Variants in FSHR observed in about 807,000 individuals in gnomAD.
The protein encoded by FSHR is follicle-stimulating hormone receptor.
FSHR carries 46 observed loss-of-function variants against 52.1 expected under a neutral mutation model. That is an observed-to-expected ratio of 0.88 (90% CI 0.70 to 1.13). The LOEUF (loss-of-function observed/expected upper bound fraction) is 1.13. Ranked by LOEUF, FSHR falls within the 50% of genes most tolerant of loss-of-function variation. FSHR has a pLI of 0.00. For synonymous variants in FSHR, 399 were observed against 309.6 expected (o/e 1.29, Z -3.03); for missense variants, 964 against 834.6 (o/e 1.16, Z -1.91).
At position 49,017,520 on chromosome 2, in the gene FSHR, C is replaced by A; in HGVS notation, c.343G>T (p.Ala115Ser). 6.2e-7 allele frequency: 1 copy of A among 1,613,444 alleles called. No homozygotes were observed. Among genetic ancestry groups the A allele is most frequent in the East Asian group, 2.2e-5 (1 of 44,854 alleles). ...TGAAGGTTGGGAAGGTTCTGGAAGG[C>A]CTCAGGGTTGATGTAGAGCAGGTTG... ...ANNLLYINPE[A>S]FQNLPNLQYL... The change falls in exon 4 of 10, where the codon GCC (alanine) becomes TCC (serine). Residue 115 changes from alanine to serine, a missense_variant. Ala to Ser is a moderately conservative substitution (Grantham distance 99). Transcript: ENST00000406846.
chr2:49,136,582 C>T (rs1050406860), intron 1 of FSHR, among the ~76,000 whole-genome samples: 1 of 152,066 alleles, frequency 6.6e-6, no homozygotes, highest in African/African-American at 2.4e-5. Context: ...AGACTAGTAT[C>T]TCTTATGAAT....
intron 1 of FSHR, among the ~76,000 whole-genome samples, chr2:49,072,639 G>A (rs1669779435): frequency 6.6e-6 from 1 of 152,046 alleles, no homozygotes; most frequent in Admixed American, 6.6e-5. Flanking sequence ...AAACACTAAG[G>A]TAGACATTAT....
chr2:49,140,715 GA>G (rs78678301), intron 1 of FSHR, among the ~76,000 whole-genome samples: 68 of 139,678 alleles, frequency 4.9e-4, no homozygotes, highest in Middle Eastern at 3.6e-3. Flanking sequence ...AAAAAAGAGA[GA>G]AAAAAAAAAA....
Position 48,989,071 on chromosome 2 carries a change from A to G in FSHR, c.447-17T>C. 6.3e-7 allele frequency: 1 copy of G among 1,599,406 alleles called. No homozygotes were observed. The highest frequency in any genetic ancestry group is 2.2e-5 in the East Asian group (1 of 44,768). ...TGAATGTCACTAGAAGAAAGTACAGACAAATAAGATACTTACATCAGCTCT... is the reference window on the plus strand; with the variant it reads ...TGAATGTCACTAGAAGAAAGTACAGGCAAATAAGATACTTACATCAGCTCT... On this transcript the variant is annotated splice_polypyrimidine_tract_variant and intron_variant, in intron 5 of 9. Coordinates refer to ENST00000406846, the MANE Select transcript of FSHR (RefSeq NM_000145.4).
chr2:49,014,309 G>A (rs1183618888), intron 4 of FSHR, among the ~76,000 whole-genome samples: 2 of 152,114 alleles, frequency 1.3e-5, no homozygotes, highest in Non-Finnish European at 2.9e-5. Context: ...AGAAAAAGAT[G>A]TGTCTGGAAT....
chr2:49,118,867 A>G (rs982715343), intron 1 of FSHR, among the ~76,000 whole-genome samples: 11 of 152,252 alleles, frequency 7.2e-5, no homozygotes, highest in Non-Finnish European at 1.5e-4. Context: ...AGAAACCCAT[A>G]AAGAGCCAAA....
chr2:49,046,930 T>C (rs1029677372), intron 2 of FSHR, among the ~76,000 whole-genome samples: 40 of 152,206 alleles, frequency 2.6e-4, no homozygotes, highest in African/African-American at 8.9e-4. Context: ...CAGGGACTGA[T>C]GGAAGTCACA....
intron 1 of FSHR, among the ~76,000 whole-genome samples, chr2:49,099,920 T>A (rs555180418): frequency 1.3e-5 from 2 of 152,224 alleles, no homozygotes; most frequent in South Asian, 2.1e-4. Context: ...TATTGTGGCA[T>A]CTCTAGGCTA....
At chr2:49,072,227 C>T (rs1293093468) in intron 1 of FSHR, among the ~76,000 whole-genome samples, 1 of 151,142 alleles carries the variant, frequency 6.6e-6, no homozygotes, top group Non-Finnish European at 1.5e-5. Flanking sequence ...GCAAAGCAAA[C>T]CAACCAACCA....
intron 1 of FSHR, among the ~76,000 whole-genome samples, chr2:49,143,290 C>T (rs1672754607): frequency 6.6e-6 from 1 of 152,162 alleles, no homozygotes; most frequent in Admixed American, 6.6e-5. Flanking sequence ...GTGTCAAGTA[C>T]TCGAATGGTC....
intron 1 of FSHR, among the ~76,000 whole-genome samples, chr2:49,072,447 T>C (rs79599977): frequency 0.066 from 10,065 of 152,208 alleles, 385 homozygotes; most frequent in African/African-American, 0.11. Flanking sequence ...GATTAAAAAT[T>C]AATGAGCCAA....
At chr2:49,054,513 C>A (rs1668983025) in intron 2 of FSHR, among the ~76,000 whole-genome samples, 1 of 152,164 alleles carries the variant, frequency 6.6e-6, no homozygotes, top group African/African-American at 2.4e-5. Context: ...AGCTATGTGC[C>A]TACATCTGGG....
intron 1 of FSHR, among the ~76,000 whole-genome samples, chr2:49,131,584 T>A (rs1234718933): frequency 6.6e-6 from 1 of 152,200 alleles, no homozygotes; most frequent in East Asian, 1.9e-4. Flanking sequence ...TCTTTCTACC[T>A]AAACCTCCAC....
chr2:49,147,365 C>T (rs1057173080), intron 1 of FSHR, among the ~76,000 whole-genome samples: 4 of 152,018 alleles, frequency 2.6e-5, no homozygotes, highest in African/African-American at 9.7e-5. Context: ...TCCAATCAAC[C>T]ACAGTGGCTA....
rs141224615 is a variant in FSHR, at chr2:49,005,429, T to C, written c.374+12060A>G. Among the ~76,000 whole-genome samples the C allele has an allele frequency of 4.3e-3, 651 of 152,222 alleles. 6 individuals are homozygous for C. The highest frequency in any genetic ancestry group is 0.015 in the African/African-American group (623 of 41,552). On this transcript the variant is annotated intron_variant, in intron 4 of 9. Transcript: ENST00000406846. ...AAATCTCGATTGTGCCCAAACATCC[T>C]TGTAGTCATGGCAACATCCTTAGAT...
intron 4 of FSHR, among the ~76,000 whole-genome samples, chr2:49,010,738 C>T (rs889599877): frequency 2.0e-5 from 3 of 152,086 alleles, no homozygotes; most frequent in Non-Finnish European, 2.9e-5. Flanking sequence ...GATTCAACTT[C>T]TTCCTGGTTT....
intron 1 of FSHR, among the ~76,000 whole-genome samples, chr2:49,114,189 A>T (rs891625973): frequency 6.6e-6 from 1 of 152,130 alleles, no homozygotes; most frequent in Non-Finnish European, 1.5e-5. Flanking sequence ...CCCCAGCATC[A>T]CCACATCGCC....
intron 4 of FSHR, among the ~76,000 whole-genome samples, chr2:48,998,487 C>A (rs1676122234): frequency 6.6e-6 from 1 of 151,910 alleles, no homozygotes; most frequent in African/African-American, 2.4e-5. Context: ...ATAAAAAATT[C>A]AACATATTCC....
At position 49,082,323 on chromosome 2, in the gene FSHR, A is replaced by T. The variant is rs570613793; in HGVS notation, c.153-14033T>A. On this transcript the variant is annotated intron_variant, in intron 1 of 9. Coordinates refer to ENST00000406846, the MANE Select transcript of FSHR (RefSeq NM_000145.4). ...AGGAAAACTAACAAACAGAAAGGAC[A>T]TCCACATCAAAAACCCATCTGTACA... Among the ~76,000 whole-genome samples, 135 of 152,314 alleles carry T rather than the reference A, an allele frequency of 8.9e-4. 2 individuals are homozygous for T. Among genetic ancestry groups the T allele is most frequent in the African/African-American group, 3.0e-3 (124 of 41,578 alleles).
Sources: allele counts gnomAD v4.1 joint callset (sites outside exome capture counted in the v4.1 genomes callset), GRCh38; gene constraint gnomAD v4.1.1; transcripts MANE v1.5; gene names NCBI Gene and HGNC (gene_info 2026-07-23, HGNC 2026-07-21).